The following SAMMSON variants were observed in gnomAD, a reference collection of about 807,000 sequenced individuals.
SAMMSON encodes long intergenic non-protein coding RNA 1212.
intron 9 of SAMMSON, among the ~76,000 whole-genome samples, chr3:70,360,193 A>G (rs1277010738): frequency 6.6e-6 from 1 of 152,102 alleles, no homozygotes; most frequent in Non-Finnish European, 1.5e-5. Context: ...AAAGGAGAAG[A>G]GCAAAAGATC....
chr3:70,073,428 T>G (rs879473829), intron 4 of SAMMSON, among the ~76,000 whole-genome samples: 3 of 152,054 alleles, frequency 2.0e-5, no homozygotes, highest in Non-Finnish European at 2.9e-5. Context: ...AGTACAGCTG[T>G]GATCAAGACA....
intron 1 of SAMMSON, among the ~76,000 whole-genome samples, chr3:70,008,718 G>A (rs544073390): frequency 2.3e-3 from 343 of 152,238 alleles, no homozygotes; most frequent in African/African-American, 8.0e-3. Context: ...TCTTGTGCCA[G>A]TTTTCAAAGG....
intron 7 of SAMMSON, among the ~76,000 whole-genome samples, chr3:70,324,451 C>T (rs2106719093): frequency 1.4e-5 from 1 of 73,268 alleles, no homozygotes; most frequent in East Asian, 2.9e-4. Flanking sequence ...ACTCCGTGGT[C>T]AAATATATTT....
rs34350951 is a variant in SAMMSON at position 70,182,909 on chromosome 3, A to ATT, written n.508-66191_508-66190dup. Among the ~76,000 whole-genome samples the ATT allele has an allele frequency of 4.1e-4, 63 of 151,906 alleles. 1 individual carries two copies. The highest frequency in any genetic ancestry group is 3.0e-3 in the Admixed American group (46 of 15,238). Reference sequence around the variant, plus strand: ...TTTCAAAGGACTAATGACTAATTGGATTTTTTTTGTAACTGTATATTAATG... The same window carrying ATT: ...TTTCAAAGGACTAATGACTAATTGGATTTTTTTTTTGTAACTGTATATTAATG... On this transcript the variant is annotated intron_variant and non_coding_transcript_variant, in intron 4 of 9. Coordinates refer to ENST00000642114, the Ensembl canonical transcript of SAMMSON.
chr3:70,005,311 A>G (rs2066922290), intron 1 of SAMMSON, among the ~76,000 whole-genome samples: 1 of 152,014 alleles, frequency 6.6e-6, no homozygotes. Context: ...CACAGTACTT[A>G]CATTAGGAAT....
chr3:70,060,944 G>C (rs1035496173), intron 3 of SAMMSON, among the ~76,000 whole-genome samples: 1 of 152,098 alleles, frequency 6.6e-6, no homozygotes, highest in Non-Finnish European at 1.5e-5. Flanking sequence ...GAGAGGAAGA[G>C]GGAGTGAGTG....
chr3:70,378,411 G>A (rs1193920251), intron 9 of SAMMSON, among the ~76,000 whole-genome samples: 1 of 151,958 alleles, frequency 6.6e-6, no homozygotes, highest in Non-Finnish European at 1.5e-5. Flanking sequence ...TGATAAAAAT[G>A]TCCTCTGCAT....
At chr3:70,168,534 G>T (rs2067647075) in intron 4 of SAMMSON, among the ~76,000 whole-genome samples, 1 of 151,958 alleles carries the variant, frequency 6.6e-6, no homozygotes, top group Non-Finnish European at 1.5e-5. Context: ...CAGCAGAAAA[G>T]GTTAGCTCTT....
At chr3:70,029,094 T>C (rs1387185371) in intron 3 of SAMMSON, among the ~76,000 whole-genome samples, 3 of 152,212 alleles carry the variant, frequency 2.0e-5, no homozygotes, top group Non-Finnish European at 4.4e-5. Context: ...ATTAATCCTG[T>C]GTCTTCTTCT....
chr3:70,415,463 T>C (rs1701256588), intron 2 of SAMMSON, among the ~76,000 whole-genome samples: 1 of 152,140 alleles, frequency 6.6e-6, no homozygotes, highest in African/African-American at 2.4e-5. Context: ...TGTTTGATGT[T>C]TATTACATAG....
chr3:70,425,700 C>G (rs931429663), intron 2 of SAMMSON, among the ~76,000 whole-genome samples: 1 of 152,002 alleles, frequency 6.6e-6, no homozygotes, highest in Non-Finnish European at 1.5e-5. Context: ...AGCCACCGTG[C>G]CCAAGTTGTC....
chr3:70,175,834 G>T, intron 4 of SAMMSON, among the ~76,000 whole-genome samples: 1 of 152,058 alleles, frequency 6.6e-6, no homozygotes, highest in East Asian at 1.9e-4. Context: ...TAAAAAGTTG[G>T]GTCCTGGGTT....
intron 6 of SAMMSON, among the ~76,000 whole-genome samples, chr3:70,281,588 T>A (rs1218347232): frequency 6.6e-6 from 1 of 152,022 alleles, no homozygotes; most frequent in Non-Finnish European, 1.5e-5. Context: ...AACAAATTGC[T>A]CTAGTTATGT....
intron 7 of SAMMSON, among the ~76,000 whole-genome samples, chr3:70,336,690 C>T (rs1702662731): frequency 6.6e-6 from 1 of 151,944 alleles, no homozygotes; most frequent in Admixed American, 6.6e-5. Flanking sequence ...TAGAATAATT[C>T]AGTAGTTGAA....
intron 9 of SAMMSON, among the ~76,000 whole-genome samples, chr3:70,373,839 A>G (rs908549410): frequency 8.6e-5 from 13 of 151,856 alleles, no homozygotes; most frequent in African/African-American, 2.4e-5. Flanking sequence ...CTGTAGAAAG[A>G]TATCTTTCAT....
At chr3:70,370,006 T>C (rs1290800537) in intron 9 of SAMMSON, among the ~76,000 whole-genome samples, 1 of 151,884 alleles carries the variant, frequency 6.6e-6, no homozygotes. Flanking sequence ...GAATCTATCA[T>C]TCTTTTCTTT....
intron 4 of SAMMSON, among the ~76,000 whole-genome samples, chr3:70,164,882 T>C (rs1397830372): frequency 1.3e-5 from 2 of 152,188 alleles, no homozygotes; most frequent in East Asian, 1.9e-4. Context: ...GGAAAAGACT[T>C]TGGGGCTTTA....
intron 4 of SAMMSON, among the ~76,000 whole-genome samples, chr3:70,180,458 A>G (rs1311383033): frequency 6.6e-6 from 1 of 152,124 alleles, no homozygotes; most frequent in African/African-American, 2.4e-5. Flanking sequence ...TATCTAGTAT[A>G]TATTTATATG....
At chr3:70,118,551 A>G (rs2067420859) in intron 4 of SAMMSON, among the ~76,000 whole-genome samples, 1 of 152,202 alleles carries the variant, frequency 6.6e-6, no homozygotes, top group Admixed American at 6.5e-5. Flanking sequence ...TATTTTGATT[A>G]AAAGGAGCAT....
Sources: gnomAD v4.1 joint callset for allele counts (sites outside exome capture counted in the v4.1 genomes callset) on GRCh38, gnomAD v4.1.1 for gene constraint, MANE v1.5 for transcripts, NCBI Gene and HGNC (gene_info 2026-07-23, HGNC 2026-07-21) for gene names.